Variants in SEMA3A observed in about 807,000 individuals in gnomAD.
The protein encoded by SEMA3A is semaphorin-3A.
SEMA3A carries 29 observed loss-of-function variants against 97.9 expected under a neutral mutation model. The observed-to-expected ratio is 0.30, with a 90% CI of 0.22 to 0.40. The LOEUF (loss-of-function observed/expected upper bound fraction) is 0.40. Ranked by LOEUF, SEMA3A falls within the 10% of genes least tolerant of loss-of-function variation. SEMA3A has a pLI of 1.00. For synonymous variants in SEMA3A, 321 were observed against 323.7 expected (o/e 0.99, Z 0.09); for missense variants, 763 against 951.3 (o/e 0.80, Z 2.60).
At chr7:84,028,009 A>C (rs1791609673) in intron 6 of SEMA3A, among the ~76,000 whole-genome samples, 2 of 152,216 alleles carry the variant, frequency 1.3e-5, no homozygotes, top group Admixed American at 1.3e-4. Flanking sequence ...CTTTCTGAAA[A>C]TTGAAGTGGA....
chr7:84,299,283 TATATCTATCTCC>T (rs1355489889), intron 3 of SEMA3A, among the ~76,000 whole-genome samples: 76 of 141,030 alleles, frequency 5.4e-4, no homozygotes, highest in South Asian at 1.8e-3. Context: ...TCTCCATATA[TATATCTATCTCC>T]ATATATATAT....
At chr7:84,307,267 G>A (rs1199762099) in exon 3 of SEMA3A, 1 of 151,926 alleles carries the variant, frequency 6.6e-6, no homozygotes, top group Non-Finnish European at 1.5e-5. Context: ...ACTTGTTATT[G>A]TAAGTACCTG....
chr7:84,126,426 G>A (rs908867189), intron 3 of SEMA3A, among the ~76,000 whole-genome samples: 12 of 152,022 alleles, frequency 7.9e-5, no homozygotes, highest in African/African-American at 2.4e-4. Context: ...GGCTGGCCTC[G>A]AACTTCTGAC....
At chr7:84,341,720 G>GTTGTC (rs1326911220) in intron 2 of SEMA3A, among the ~76,000 whole-genome samples, 1 of 152,068 alleles carries the variant, frequency 6.6e-6, no homozygotes, top group East Asian at 1.9e-4. Context: ...ATTCACTGTA[G>GTTGTC]TTGTCCTTTA....
At chr7:84,187,371 G>C (rs2116256354) in intron 1 of SEMA3A, among the ~76,000 whole-genome samples, 1 of 152,248 alleles carries the variant, frequency 6.6e-6, no homozygotes, top group South Asian at 2.1e-4. Flanking sequence ...ACTGTGACCT[G>C]ATAAGAGGAC....
intron 3 of SEMA3A, among the ~76,000 whole-genome samples, chr7:84,114,716 T>G (rs1480343627): frequency 6.6e-6 from 1 of 152,090 alleles, no homozygotes; most frequent in Non-Finnish European, 1.5e-5. Flanking sequence ...TGTCACTCAC[T>G]TTATCCCTTC....
chr7:84,424,274 A>C (rs1388251321), intron 1 of SEMA3A, among the ~76,000 whole-genome samples: 2 of 147,400 alleles, frequency 1.4e-5, no homozygotes, highest in East Asian at 3.9e-4. Context: ...GGATAAAGAA[A>C]ATGTTAAATA....
chr7:84,243,096 G>A (rs1799403307), intron 3 of SEMA3A, among the ~76,000 whole-genome samples: 1 of 152,146 alleles, frequency 6.6e-6, no homozygotes, highest in African/African-American at 2.4e-5. Flanking sequence ...CAGGGATATT[G>A]GCCTGAAATT....
chr7:84,234,178 T>G (rs1368137729), intron 3 of SEMA3A, among the ~76,000 whole-genome samples: 2 of 152,024 alleles, frequency 1.3e-5, no homozygotes, highest in Non-Finnish European at 2.9e-5. Flanking sequence ...ACTTCTAAAC[T>G]GGAATTGCTT....
intron 1 of SEMA3A, among the ~76,000 whole-genome samples, chr7:84,480,825 A>G (rs1225249736): frequency 6.6e-6 from 1 of 152,190 alleles, no homozygotes; most frequent in East Asian, 1.9e-4. Flanking sequence ...ATAATGTAGC[A>G]GTGAGTATTA....
chr7:84,325,486 C>G (rs1433200218), intron 2 of SEMA3A, among the ~76,000 whole-genome samples: 1 of 151,792 alleles, frequency 6.6e-6, no homozygotes, highest in Non-Finnish European at 1.5e-5. Flanking sequence ...AGAAGAGACT[C>G]AAAGTATACA....
chr7:84,460,807 C>A (rs1805816858), intron 1 of SEMA3A, among the ~76,000 whole-genome samples: 1 of 152,144 alleles, frequency 6.6e-6, no homozygotes, highest in Admixed American at 6.5e-5. Context: ...GCTCAAAAAG[C>A]AAGTCGAAGG....
At chr7:84,091,286 AAG>A (rs1441838908) in intron 4 of SEMA3A, among the ~76,000 whole-genome samples, 1 of 130,478 alleles carries the variant, frequency 7.7e-6, no homozygotes, top group East Asian at 2.3e-4. Flanking sequence ...AAAAGAAAGA[AAG>A]AAAGAAAAAG....
intron 3 of SEMA3A, among the ~76,000 whole-genome samples, chr7:84,208,549 C>G (rs992541502): frequency 1.3e-5 from 2 of 152,096 alleles, no homozygotes; most frequent in Non-Finnish European, 2.9e-5. Flanking sequence ...TAGAAATATA[C>G]AGCAACCATC....
chr7:84,425,328 A>C lies in SEMA3A; in HGVS notation c.-245-53428T>G, dbSNP rs1181810662. ...ATATATAATATAATGATATAAATAT[A>C]AATATAATATATTGATATAAATATA... On this transcript the variant is annotated intron_variant, in intron 1 of 3. Coordinates refer to the SEMA3A transcript ENST00000424555. Among the ~76,000 whole-genome samples the C allele has an allele frequency of 8.7e-5, 11 of 125,978 alleles. No individual in the cohort carries two copies. The South Asian group carries it at 2.3e-3, about 27-fold the overall frequency. 82.6% of individuals were successfully genotyped at this position (125,978 alleles called of 152,430 possible). A position where few individuals can be genotyped will look rare whatever the true frequency, so the allele number is the denominator to read the frequency against.
rs143452857 is a variant in SEMA3A at position 84,111,656 on chromosome 7, G to A, written c.334-1067C>T. On this transcript the variant is annotated intron_variant, in intron 3 of 16. Transcript: ENST00000265362. ...GGCCTATTTAAAATAAAATGCGAAA[G>A]TTTCTAGTTATGACTCCTCTCTCAT... 1.6e-3 allele frequency among the ~76,000 whole-genome samples: 246 copies of A among 152,246 alleles called. 2 individuals carry two copies. Among genetic ancestry groups the A allele is most frequent in the African/African-American group, 5.6e-3 (233 of 41,558 alleles).
At chr7:84,359,301 G>A (rs539674625) in intron 2 of SEMA3A, among the ~76,000 whole-genome samples, 274 of 151,950 alleles carry the variant, frequency 1.8e-3, no homozygotes, top group African/African-American at 6.5e-3. Context: ...TTATTATTTT[G>A]AGATCTGTCC....
intron 3 of SEMA3A, among the ~76,000 whole-genome samples, chr7:84,301,808 G>A (rs1252307136): frequency 2.6e-5 from 4 of 152,128 alleles, no homozygotes; most frequent in South Asian, 4.1e-4. Context: ...GATGCGGAAT[G>A]ACAGGAACTC....
At chr7:84,241,785 A>T in intron 3 of SEMA3A, among the ~76,000 whole-genome samples, 1 of 152,112 alleles carries the variant, frequency 6.6e-6, no homozygotes, top group Admixed American at 6.6e-5. Context: ...TCTTTAATCC[A>T]TCTTGAGTTA....
Sources: allele counts gnomAD v4.1 joint callset (sites outside exome capture counted in the v4.1 genomes callset), GRCh38; gene constraint gnomAD v4.1.1; transcripts MANE v1.5; gene names NCBI Gene and HGNC (gene_info 2026-07-23, HGNC 2026-07-21).